Variants in MTMR3 observed in about 807,000 individuals in gnomAD.
MTMR3 encodes myotubularin related protein 3.
MTMR3 carries 32 observed loss-of-function variants against 132.4 expected under a neutral mutation model. That is an observed-to-expected ratio of 0.24 (90% CI 0.18 to 0.32). The LOEUF is 0.32. MTMR3 is among the 10% of genes least tolerant of loss of function. The pLI, the probability that MTMR3 is intolerant of heterozygous loss-of-function variation, is 1.00. For missense variants in MTMR3, 1,216 were observed against 1,489.6 expected, an observed-to-expected ratio of 0.82 and a Z score of 3.02; for synonymous variants, 556 against 550.3, an observed-to-expected ratio of 1.01 and a Z score of -0.14.
At chr22:30,016,838 A>G in intron 15 of MTMR3, 140 bp downstream of exon 15, 6 of 1,010,404 alleles carry the variant, frequency 5.9e-6, no homozygotes, top group Non-Finnish European at 8.6e-6. Flanking sequence ...TTTTTCCCCC[A>G]TGATTCTGTC....
intron 1 of MTMR3, among the ~76,000 whole-genome samples, chr22:29,905,067 A>C (rs1183903497): frequency 6.6e-6 from 1 of 152,172 alleles, no homozygotes; most frequent in Non-Finnish European, 1.5e-5. Context: ...ATGGAGTAAG[A>C]AGCTTATCAT....
intron 2 of MTMR3, among the ~76,000 whole-genome samples, 188 bp downstream of exon 2, chr22:29,957,276 A>G (rs2066214786): frequency 8.3e-6 from 1 of 120,184 alleles, no homozygotes; most frequent in Non-Finnish European, 1.8e-5. Flanking sequence ...TTTTTTTTTC[A>G]CTAGGACTCA....
chr22:29,980,768 G>GGAAAGAAA (rs532156537), intron 5 of MTMR3: 1 of 152,064 alleles, frequency 6.6e-6, no homozygotes, highest in Non-Finnish European at 1.5e-5. Context: ...AAAGCAAGCA[G>GGAAAGAAA]GAAAGAAAGA....
intron 1 of MTMR3, among the ~76,000 whole-genome samples, chr22:29,888,768 C>CTTTT (rs3049983): frequency 4.6e-4 from 47 of 101,876 alleles, no homozygotes; most frequent in South Asian, 1.5e-3. Flanking sequence ...TTAGTTAATA[C>CTTTT]TTTTTTTTTT....
At chr22:30,010,308 T>C (rs1208322570) in intron 12 of MTMR3, 1 of 152,118 alleles carries the variant, frequency 6.6e-6, no homozygotes, top group Non-Finnish European at 1.5e-5. Context: ...TCTAATACCC[T>C]CCATATATTA....
intron 13 of MTMR3, 163 bp downstream of exon 13, chr22:30,012,726 C>T: frequency 3.0e-6 from 2 of 675,602 alleles, no homozygotes. Flanking sequence ...TGGTTCCTCC[C>T]ACAGTTCTTG....
At chr22:30,010,594 C>T (rs2067393298) in intron 12 of MTMR3, 1 of 152,338 alleles carries the variant, frequency 6.6e-6, no homozygotes, top group East Asian at 1.9e-4. Flanking sequence ...GGGAGTCTCT[C>T]AGCAGCCCCT....
chr22:30,023,336 A>C (rs2067815565), intron 19 of MTMR3: 1 of 998,852 alleles, frequency 1.0e-6, no homozygotes, highest in Non-Finnish European at 1.6e-6. Context: ...GTGGATTGAA[A>C]ATGGAACAGT....
chr22:30,016,870 T>C (rs542133513), intron 15 of MTMR3, 172 bp downstream of exon 15: 219 of 740,108 alleles, frequency 3.0e-4, no homozygotes, highest in Admixed American at 4.3e-4. Context: ...CTGCTTCTGA[T>C]GGTGCTCTGA....
At chr22:30,013,823 G>T (rs759244705) in intron 14 of MTMR3, 1 of 306,796 alleles carries the variant, frequency 3.3e-6, no homozygotes, top group Admixed American at 4.9e-5. Context: ...GAAGCAATCA[G>T]AATGTCTGGA....
intron 1 of MTMR3, among the ~76,000 whole-genome samples, chr22:29,931,562 G>A (rs956081826): frequency 6.6e-6 from 1 of 152,084 alleles, no homozygotes; most frequent in Non-Finnish European, 1.5e-5. Flanking sequence ...CTATGGGCGC[G>A]TGCCCTCATG....
At chr22:29,978,636 A>C in intron 4 of MTMR3, 105 bp downstream of exon 4, 1 of 793,914 alleles carries the variant, frequency 1.3e-6, no homozygotes, top group Non-Finnish European at 1.9e-6. Context: ...TATATATAAC[A>C]TACATGTAGT....
At chr22:29,949,411 G>T (rs13058334) in intron 1 of MTMR3, among the ~76,000 whole-genome samples, 1 of 150,224 alleles carries the variant, frequency 6.7e-6, no homozygotes, top group East Asian at 2.0e-4. Context: ...CAGGAGAATC[G>T]CTGGAACCCA....
At chr22:30,009,196 A>G in intron 12 of MTMR3, 67 bp downstream of exon 12, 3 of 1,132,848 alleles carry the variant, frequency 2.6e-6, no homozygotes, top group Non-Finnish European at 3.9e-6. Context: ...CTTTCCTTGA[A>G]CTAAGGGGGA....
intron 1 of MTMR3, among the ~76,000 whole-genome samples, chr22:29,951,299 T>C (rs934975910): frequency 2.0e-5 from 3 of 152,226 alleles, no homozygotes; most frequent in African/African-American, 7.2e-5. Context: ...TCTCTTCTGC[T>C]GCTAAAGATA....
At chr22:29,986,057 G>C (rs2066851414) in intron 5 of MTMR3, 1 of 152,244 alleles carries the variant, frequency 6.6e-6, no homozygotes. Context: ...AGTTGCAGGG[G>C]ACTTGGGATG....
At chr22:30,016,802 T>G in intron 15 of MTMR3, 104 bp downstream of exon 15, 82 of 1,288,608 alleles carry the variant, frequency 6.4e-5, no homozygotes, top group Non-Finnish European at 7.5e-5. Flanking sequence ...AAGACATCTC[T>G]ACTGTCTCTG....
chr22:29,906,273 TGTCTGTC>T (rs1300203569), intron 1 of MTMR3, among the ~76,000 whole-genome samples: 1 of 104,600 alleles, frequency 9.6e-6, no homozygotes, highest in African/African-American at 4.7e-5. Flanking sequence ...TCTGTCTGTC[TGTCTGTC>T]TGTCTGTCTA....
rs146658440 is a variant in MTMR3 at position 29,909,296 on chromosome 22, A to G, written c.-138+25937A>G. 1.2e-4 allele frequency among the ~76,000 whole-genome samples: 18 copies of G among 152,278 alleles called. No individual in the cohort carries two copies. In the East Asian group the frequency reaches 3.3e-3, roughly 28 times the overall value. ...CTACTCCCCCAACCCCCAGTGATAC[A>G]GACCTGGTTTCATTGCACTGAGAGA... On this transcript the variant is annotated intron_variant, in intron 1 of 19. Transcript: ENST00000401950.
Sources: allele counts gnomAD v4.1 joint callset (sites outside exome capture counted in the v4.1 genomes callset), GRCh38; gene constraint gnomAD v4.1.1; transcripts MANE v1.5; gene names NCBI Gene and HGNC (gene_info 2026-07-23, HGNC 2026-07-21).